The following DPP10 variants were observed in gnomAD, a reference collection of about 807,000 sequenced individuals.
DPP10 encodes the protein inactive dipeptidyl peptidase 10.
A neutral mutation model predicts 120.9 loss-of-function variants in DPP10; 33 were observed. That is an observed-to-expected ratio of 0.27 (90% CI 0.21 to 0.37). The LOEUF (loss-of-function observed/expected upper bound fraction) is 0.37. DPP10 is among the 10% of genes least tolerant of loss of function. DPP10 has a pLI of 1.00. For missense variants in DPP10, 816 were observed against 942.8 expected (o/e 0.87, Z 1.76); for synonymous variants, 337 against 326.1 (o/e 1.03, Z -0.36).
At chr2:115,496,776 C>A (rs527694553) in intron 3 of DPP10, among the ~76,000 whole-genome samples, 1 of 152,170 alleles carries the variant, frequency 6.6e-6, no homozygotes, top group East Asian at 1.9e-4. Context: ...GTTGGTATTG[C>A]AGTAAAGAAG....
At chr2:114,639,014 T>C (rs982934709) in intron 1 of DPP10, among the ~76,000 whole-genome samples, 1 of 151,884 alleles carries the variant, frequency 6.6e-6, no homozygotes, top group African/African-American at 2.4e-5. Flanking sequence ...ACCCTAATCC[T>C]AAACAATTTA....
intron 1 of DPP10, among the ~76,000 whole-genome samples, chr2:114,470,824 T>G (rs1420589328): frequency 1.3e-5 from 2 of 152,230 alleles, no homozygotes; most frequent in Non-Finnish European, 2.9e-5. Context: ...AAAAGTATTT[T>G]CATGCAGTCC....
chr2:114,894,982 A>G (rs1379581977), intron 1 of DPP10, among the ~76,000 whole-genome samples: 1 of 152,096 alleles, frequency 6.6e-6, no homozygotes, highest in Non-Finnish European at 1.5e-5. Flanking sequence ...CTTACCAGAA[A>G]TATGACAGTT....
At chr2:114,771,127 G>A (rs1681209948) in intron 1 of DPP10, among the ~76,000 whole-genome samples, 1 of 152,218 alleles carries the variant, frequency 6.6e-6, no homozygotes, top group Admixed American at 6.5e-5. Flanking sequence ...GTAAGCATCA[G>A]TAATTGAGGA....
chr2:115,149,876 T>C (rs2051439543), intron 1 of DPP10, among the ~76,000 whole-genome samples: 1 of 152,232 alleles, frequency 6.6e-6, no homozygotes, highest in Admixed American at 6.5e-5. Context: ...CCCTGCATTT[T>C]ATTTGACAAT....
chr2:114,501,227 C>G (rs994808549), intron 1 of DPP10, among the ~76,000 whole-genome samples: 1 of 152,098 alleles, frequency 6.6e-6, no homozygotes, highest in South Asian at 2.1e-4. Flanking sequence ...TCAGCTGGCA[C>G]CTCCTTAAAG....
intron 21 of DPP10, among the ~76,000 whole-genome samples, chr2:115,819,097 G>A (rs1177184571): frequency 1.3e-5 from 2 of 152,140 alleles, no homozygotes; most frequent in Non-Finnish European, 2.9e-5. Context: ...AAACGGGTTG[G>A]AAAACAATGT....
intron 2 of DPP10, among the ~76,000 whole-genome samples, chr2:115,342,693 A>G (rs1238800369): frequency 2.0e-5 from 3 of 152,234 alleles, no homozygotes; most frequent in Non-Finnish European, 4.4e-5. Flanking sequence ...GATCAAATAT[A>G]TATCATCACC....
At chr2:114,698,603 A>G (rs2105803473) in intron 1 of DPP10, among the ~76,000 whole-genome samples, 1 of 152,296 alleles carries the variant, frequency 6.6e-6, no homozygotes, top group South Asian at 2.1e-4. Context: ...AGTAAGTAAC[A>G]GACCTTCTAG....
At chr2:114,447,216 C>T (rs1292198080) in intron 1 of DPP10, among the ~76,000 whole-genome samples, 1 of 151,758 alleles carries the variant, frequency 6.6e-6, no homozygotes, top group African/African-American at 2.4e-5. Flanking sequence ...AGCATGGTCT[C>T]GATCTCTTGA....
At chr2:115,336,611 A>G (rs1036525387) in intron 2 of DPP10, among the ~76,000 whole-genome samples, 1 of 150,468 alleles carries the variant, frequency 6.6e-6, no homozygotes, top group Admixed American at 6.6e-5. Flanking sequence ...ATATATATAT[A>G]TATAATTGTG....
intron 2 of DPP10, among the ~76,000 whole-genome samples, chr2:115,323,368 C>A (rs978139712): frequency 6.6e-6 from 1 of 152,186 alleles, no homozygotes; most frequent in East Asian, 1.9e-4. Flanking sequence ...AATTCAAATT[C>A]TCTTGCTGCC....
chr2:114,680,722 C>T (rs540372427), intron 1 of DPP10, among the ~76,000 whole-genome samples: 3 of 152,026 alleles, frequency 2.0e-5, no homozygotes, highest in African/African-American at 7.2e-5. Flanking sequence ...AATAAGTTCA[C>T]TCTTTTCAAG....
chr2:115,204,441 A>T (rs2055971554), intron 1 of DPP10, among the ~76,000 whole-genome samples: 1 of 152,186 alleles, frequency 6.6e-6, no homozygotes, highest in Admixed American at 6.5e-5. Context: ...CCTTGCATGC[A>T]GTTGTGATGA....
intron 5 of DPP10, among the ~76,000 whole-genome samples, chr2:115,634,074 T>C (rs1264999605): frequency 6.6e-6 from 1 of 152,220 alleles, no homozygotes; most frequent in Non-Finnish European, 1.5e-5. Context: ...GCTTGATCTC[T>C]TCAGTTATTG....
intron 1 of DPP10, among the ~76,000 whole-genome samples, chr2:115,193,516 A>G (rs1000326803): frequency 2.6e-5 from 4 of 152,234 alleles, no homozygotes; most frequent in Admixed American, 2.6e-4. Context: ...GCCATGGACA[A>G]TAGCTGTTCC....
intron 1 of DPP10, among the ~76,000 whole-genome samples, chr2:114,890,097 A>G (rs887472527): frequency 6.6e-6 from 1 of 152,238 alleles, no homozygotes; most frequent in Non-Finnish European, 1.5e-5. Context: ...GTGGAGAGAC[A>G]AACATGTTTA....
intron 5 of DPP10, among the ~76,000 whole-genome samples, chr2:115,583,829 G>A (rs1214757139): frequency 6.6e-6 from 1 of 152,148 alleles, no homozygotes; most frequent in African/African-American, 2.4e-5. Flanking sequence ...AAGCATGCTG[G>A]TATCTGATCT....
intron 3 of DPP10, among the ~76,000 whole-genome samples, chr2:115,498,714 TTA>T (rs144251490): frequency 0.57 from 84,093 of 146,274 alleles, 25,120 homozygotes; most frequent in Non-Finnish European, 0.67. Context: ...TTATGTATAA[TTA>T]TATATATATA....
Sources: gnomAD v4.1 joint callset for allele counts (sites outside exome capture counted in the v4.1 genomes callset) on GRCh38, gnomAD v4.1.1 for gene constraint, MANE v1.5 for transcripts, NCBI Gene and HGNC (gene_info 2026-07-23, HGNC 2026-07-21) for gene names.